EYA3: variants seen among roughly 807,000 people sequenced by gnomAD.
EYA3 encodes protein phosphatase EYA3.
EYA3 carries 39 observed loss-of-function variants against 80.0 expected under a neutral mutation model. The ratio of observed to expected loss-of-function variants is 0.49; its 90% CI spans 0.38 to 0.64. EYA3 has a LOEUF of 0.64. Ranked by LOEUF, EYA3 falls within the 30% of genes least tolerant of loss-of-function variation. EYA3 has a pLI of 0.00. For missense variants in EYA3, 523 were observed against 676.1 expected (o/e 0.77, Z 2.51); for synonymous variants, 206 against 232.8 (o/e 0.88, Z 1.05).
At chr1:28,064,376 C>CTA (rs1196095186) in intron 1 of EYA3, among the ~76,000 whole-genome samples, 9 of 111,822 alleles carry the variant, frequency 8.0e-5, no homozygotes, top group Admixed American at 4.2e-4. Flanking sequence ...CTCTCTCTCT[C>CTA]TCTATATATA....
At chr1:28,074,926 A>T (rs1645150454) in intron 1 of EYA3, among the ~76,000 whole-genome samples, 1 of 152,134 alleles carries the variant, frequency 6.6e-6, no homozygotes, top group African/African-American at 2.4e-5. Context: ...CTAAAATATT[A>T]ATTTTCTATC....
chr1:27,992,461 G>C (rs1029866258), intron 14 of EYA3, among the ~76,000 whole-genome samples: 1 of 152,142 alleles, frequency 6.6e-6, no homozygotes, highest in Admixed American at 6.5e-5. Flanking sequence ...CTCACTTGCC[G>C]GCCTGCTCAC....
intron 1 of EYA3, among the ~76,000 whole-genome samples, chr1:28,075,328 T>C (rs1158120419): frequency 2.6e-5 from 4 of 152,236 alleles, no homozygotes; most frequent in African/African-American, 9.6e-5. Context: ...GATCTAACTA[T>C]TCACTGTCAC....
rs1571840472 is a variant in EYA3, at chr1:28,027,678, G to A, written c.499+111C>T. 13 of 1,378,612 alleles carry A rather than the reference G, an allele frequency of 9.4e-6. No individual in the cohort carries two copies. In the East Asian group the frequency reaches 3.0e-4, roughly 32 times the overall value. 85.4% of individuals were successfully genotyped at this position (1,378,612 alleles called of 1,614,324 possible). A position where few individuals can be genotyped will look rare whatever the true frequency, so the allele number is the denominator to read the frequency against. ...CAAGTATCACCCCCTTTCTACTTTA[G>A]AAGACAGAGCTCCTGTATTATCCAA... On this transcript the variant is annotated intron_variant, in intron 7 of 17. Transcript: ENST00000373871.
In EYA3 at chr1:28,088,080, C is replaced by A. The variant is rs557419835; in HGVS notation, c.-69+444G>T. ...AAAGTTGGGGGACAAGGAACTAGGACCCTAGGGAGAGGCTCAGTTTCTCGT... is the reference window on the plus strand; with the variant it reads ...AAAGTTGGGGGACAAGGAACTAGGAACCTAGGGAGAGGCTCAGTTTCTCGT... On this transcript the variant is annotated intron_variant, in intron 1 of 17. Transcript: ENST00000373871. 6.3e-4 allele frequency among the ~76,000 whole-genome samples: 96 copies of A among 152,226 alleles called. 1 individual carries two copies. Among genetic ancestry groups the A allele is most frequent in the African/African-American group, 2.2e-3 (91 of 41,532 alleles).
intron 1 of EYA3, among the ~76,000 whole-genome samples, chr1:28,062,990 CTGA>C (rs2148909967): frequency 7.5e-6 from 1 of 132,630 alleles, no homozygotes; most frequent in Non-Finnish European, 1.7e-5. Context: ...CGACAGGAAA[CTGA>C]CTAACGCTCC....
At chr1:28,003,226 C>T (rs905966369) in intron 11 of EYA3, among the ~76,000 whole-genome samples, 7 of 151,636 alleles carry the variant, frequency 4.6e-5, no homozygotes, top group Non-Finnish European at 5.9e-5. Flanking sequence ...GCTGAGATCA[C>T]GCCATTGCAC....
At chr1:28,074,263 T>C (rs571189024) in intron 1 of EYA3, among the ~76,000 whole-genome samples, 1 of 152,262 alleles carries the variant, frequency 6.6e-6, no homozygotes, top group South Asian at 2.1e-4. Flanking sequence ...TTCTACCCTA[T>C]CTTAAACACT....
At position 28,028,134 on chromosome 1, in the gene EYA3, C is replaced by T. The variant is rs111589164; in HGVS notation, c.362-208G>A. Among the ~76,000 whole-genome samples the T allele has an allele frequency of 4.6e-3, 702 of 152,136 alleles. 5 individuals are homozygous for T. The highest frequency in any genetic ancestry group is 0.016 in the African/African-American group (672 of 41,516). ...GAATTAGGGGATGAGGCTAAAGAAA[C>T]AAAAAGCTTGCCACAAATCCCAATA... On this transcript the variant is annotated intron_variant, in intron 6 of 17. Transcript: ENST00000373871.
chr1:28,054,764 T>C (rs1006041704), intron 2 of EYA3, among the ~76,000 whole-genome samples: 5 of 152,116 alleles, frequency 3.3e-5, no homozygotes, highest in Admixed American at 6.6e-5. Flanking sequence ...GGTGGGAGCA[T>C]TGCTTCAGCC....
At chr1:27,982,301 CCTGG>C (rs1171890190) in intron 16 of EYA3, among the ~76,000 whole-genome samples, 1 of 151,750 alleles carries the variant, frequency 6.6e-6, no homozygotes, top group East Asian at 1.9e-4. Context: ...CCTGGCCACA[CCTGG>C]CTAATTAAAA....
At position 28,013,172 on chromosome 1, in the gene EYA3, T is replaced by A. The variant is rs938417705; in HGVS notation, c.708A>T (p.Thr236=). The A allele has an allele frequency of 1.9e-6, 3 of 1,614,134 alleles. No homozygotes were observed. In the South Asian group the frequency reaches 3.3e-5, roughly 18 times the overall value. The change falls in exon 9 of 18, where the codon ACA becomes ACT. Residue 236 remains threonine (T), a synonymous_variant. Transcript: ENST00000373871. This position sits in a 1 kb window ranked among gnomAD's most constrained non-coding sequence, Gnocchi z 4.0. ...DAESTTLAAT[T]YQSEKPSVMA... Reference sequence around the variant, plus strand: ...TGACACTAGGCTTCTCCGACTGGTATGTGGTTGCTGCTAATGTGGTGCTCT... The same window carrying A: ...TGACACTAGGCTTCTCCGACTGGTAAGTGGTTGCTGCTAATGTGGTGCTCT...
chr1:28,069,718 T>C (rs1471194413), intron 1 of EYA3, among the ~76,000 whole-genome samples: 1 of 151,916 alleles, frequency 6.6e-6, no homozygotes, highest in South Asian at 2.1e-4. Flanking sequence ...TATCATGAAA[T>C]AGATTTCTAG....
At chr1:28,056,855 C>G (rs1644455437) in intron 2 of EYA3, among the ~76,000 whole-genome samples, 1 of 152,172 alleles carries the variant, frequency 6.6e-6, no homozygotes. Flanking sequence ...CTTTGTCTTA[C>G]CACATTAAAA....
At chr1:27,977,443 A>G (rs2148699272) in intron 17 of EYA3, 1 of 1,497,432 alleles carries the variant, frequency 6.7e-7, no homozygotes, top group Non-Finnish European at 9.1e-7. Context: ...AGATCCATTT[A>G]GCAGATGAGG....
intron 11 of EYA3, among the ~76,000 whole-genome samples, chr1:28,000,759 G>A (rs1008851285): frequency 2.0e-5 from 3 of 152,052 alleles, no homozygotes; most frequent in Non-Finnish European, 4.4e-5. Context: ...CAAGACCCCC[G>A]TCTCCACAAA....
intron 10 of EYA3, among the ~76,000 whole-genome samples, chr1:28,007,523 C>CG: frequency 6.6e-6 from 1 of 151,754 alleles, no homozygotes; most frequent in South Asian, 2.1e-4. Flanking sequence ...TTAGTAGAGA[C>CG]GGGGTTTCAC....
At chr1:28,039,029 T>C (rs1177519280) in intron 4 of EYA3, 124 bp from the exon 5 acceptor site, 4 of 519,534 alleles carry the variant, frequency 7.7e-6, no homozygotes, top group South Asian at 3.6e-5. Flanking sequence ...GGACACCAGA[T>C]AGAAAGACTA....
At chr1:28,068,752 T>C (rs1644920842) in intron 1 of EYA3, among the ~76,000 whole-genome samples, 1 of 152,170 alleles carries the variant, frequency 6.6e-6, no homozygotes, top group Admixed American at 6.5e-5. Flanking sequence ...CGTAAGTCCT[T>C]AATTTAAAAT....
Sources: allele counts gnomAD v4.1 joint callset (sites outside exome capture counted in the v4.1 genomes callset), GRCh38; gene constraint gnomAD v4.1.1; non-coding constraint Gnocchi (gnomAD v3.1); transcripts MANE v1.5; gene names NCBI Gene and HGNC (gene_info 2026-07-23, HGNC 2026-07-21).